The following DPYSL5 variants were observed in gnomAD, a reference collection of about 807,000 sequenced individuals.
The protein encoded by DPYSL5 is dihydropyrimidinase like 5, also known as dihydropyrimidinase-related protein 5.
Under a neutral mutation model 58.4 loss-of-function variants are expected in DPYSL5, and 9 were observed. That is an observed-to-expected ratio of 0.15 (90% CI 0.09 to 0.27). The LOEUF (loss-of-function observed/expected upper bound fraction) is 0.27. Ranked by LOEUF, DPYSL5 falls within the 10% of genes least tolerant of loss-of-function variation. The pLI, the probability that DPYSL5 is intolerant of heterozygous loss-of-function variation, is 1.00. For missense variants in DPYSL5, 499 were observed against 770.6 expected, an observed-to-expected ratio of 0.65 and a Z score of 4.17; for synonymous variants, 293 against 301.9, an observed-to-expected ratio of 0.97 and a Z score of 0.31.
In DPYSL5 at chr2:26,940,553, C is replaced by T. The variant is rs539272489; in HGVS notation, c.1089+381C>T. On this transcript the variant is annotated intron_variant, in intron 9 of 12. Coordinates refer to ENST00000288699, the MANE Select transcript of DPYSL5 (RefSeq NM_020134.4). The stretch of plus-strand genomic sequence containing the variant: ...ATGTTGTCCAGACAGGTCTTGAACT[C>T]ATGGGCTCAAGCTATCCTTCCACCT... Among the ~76,000 whole-genome samples the T allele has an allele frequency of 1.2e-4, 17 of 147,606 alleles. No homozygotes were observed. The East Asian group carries it at 3.4e-3, about 29-fold the overall frequency.
chr2:26,910,412 T>C (rs1425848300), intron 2 of DPYSL5, among the ~76,000 whole-genome samples: 2 of 152,204 alleles, frequency 1.3e-5, no homozygotes, highest in Admixed American at 6.5e-5. Flanking sequence ...TTAGCCGTTC[T>C]AATAGGTGTG....
At chr2:26,896,729 G>A (rs1360823855) in intron 1 of DPYSL5, among the ~76,000 whole-genome samples, 1 of 152,130 alleles carries the variant, frequency 6.6e-6, no homozygotes, top group Non-Finnish European at 1.5e-5. Context: ...AAATTGAGTT[G>A]TTTTCTTGCT....
chr2:26,890,928 C>T (rs1356820099), intron 1 of DPYSL5, among the ~76,000 whole-genome samples: 2 of 152,286 alleles, frequency 1.3e-5, no homozygotes, highest in South Asian at 2.1e-4. Flanking sequence ...AGATCACGGC[C>T]CTGCCCTATG....
chr2:26,884,520 TCACACACA>T (rs3070961), intron 1 of DPYSL5, among the ~76,000 whole-genome samples: 20 of 145,632 alleles, frequency 1.4e-4, no homozygotes, highest in East Asian at 1.2e-3. Flanking sequence ...TTGTCCTATC[TCACACACA>T]CACACACACA....
rs1314562888 is a variant in DPYSL5, at chr2:26,933,978, T to A, written c.791-600T>A. Among the ~76,000 whole-genome samples, 1 of 152,028 alleles carries A rather than the reference T, an allele frequency of 6.6e-6. No homozygotes were observed. Among genetic ancestry groups the A allele is most frequent in the Non-Finnish European group, 1.5e-5 (1 of 67,992 alleles). ...AGGGCATCTCAGCCTTCAACTATAA[T>A]CGATCAGAAGCAAGGGCATCCTGGC... On this transcript the variant is annotated intron_variant, in intron 7 of 12. Coordinates refer to ENST00000288699, the MANE Select transcript of DPYSL5 (RefSeq NM_020134.4). This position sits in a 1 kb window ranked among gnomAD's most constrained non-coding sequence, Gnocchi z 4.2.
intron 2 of DPYSL5, among the ~76,000 whole-genome samples, chr2:26,902,659 T>C (rs893841205): frequency 1.3e-5 from 2 of 152,158 alleles, no homozygotes; most frequent in Non-Finnish European, 2.9e-5. Context: ...CCATCTTAAA[T>C]AGGGGCTGGG....
intron 1 of DPYSL5, among the ~76,000 whole-genome samples, chr2:26,897,611 T>C (rs186001496): frequency 3.3e-4 from 50 of 152,374 alleles, no homozygotes; most frequent in African/African-American, 1.1e-3. Flanking sequence ...GATATTGCTC[T>C]GTAGTTTTCT....
chr2:26,893,273 A>G (rs558521201), intron 1 of DPYSL5, among the ~76,000 whole-genome samples: 1 of 152,216 alleles, frequency 6.6e-6, no homozygotes, highest in Admixed American at 6.5e-5. Context: ...GAGCCTGGCC[A>G]ACTTGGCAAA....
intron 1 of DPYSL5, among the ~76,000 whole-genome samples, chr2:26,891,398 C>T (rs1317358504): frequency 6.6e-6 from 1 of 152,106 alleles, no homozygotes; most frequent in Non-Finnish European, 1.5e-5. Flanking sequence ...ATTCCTGGGC[C>T]AGAGAGGTTC....
At chr2:26,923,503 C>T (rs1027028182) in intron 2 of DPYSL5, among the ~76,000 whole-genome samples, 1 of 152,120 alleles carries the variant, frequency 6.6e-6, no homozygotes, top group African/African-American at 2.4e-5. Flanking sequence ...AGTAACCTGG[C>T]AGAGGTTATT....
In DPYSL5 at chr2:26,942,827, C is replaced by CA. The variant is rs563102001; in HGVS notation, c.1440+80dup. The CA allele has an allele frequency of 6.6e-7, 1 of 1,516,372 alleles. No individual in the cohort carries two copies. Among genetic ancestry groups the CA allele is most frequent in the East Asian group, 2.3e-5 (1 of 43,706 alleles). The allele number at this position is 1,516,372 out of a possible 1,614,324, so 93.9% of individuals were successfully genotyped here. On this transcript the variant is annotated intron_variant, in intron 11 of 12. Transcript: ENST00000288699. This position sits in a 1 kb window ranked among gnomAD's most constrained non-coding sequence, Gnocchi z 5.9. ...CATCCTCCATGACTGTTTTAAATCTCAAAGAGATGTTCACTCCAGTTTTCG... is the reference window on the plus strand; with the variant it reads ...CATCCTCCATGACTGTTTTAAATCTCAAAAGAGATGTTCACTCCAGTTTTCG...
chr2:26,861,744 C>T (rs149636716), intron 1 of DPYSL5, among the ~76,000 whole-genome samples: 212 of 152,256 alleles, frequency 1.4e-3, no homozygotes, highest in Non-Finnish European at 2.2e-3. Context: ...TGCCATCCCC[C>T]GGCCATGATC....
At chr2:26,889,577 C>T (rs1663817614) in intron 1 of DPYSL5, among the ~76,000 whole-genome samples, 1 of 152,008 alleles carries the variant, frequency 6.6e-6, no homozygotes, top group Non-Finnish European at 1.5e-5. Context: ...GCCTGGAGAG[C>T]TTATACTTCT....
rs1052706963 is a variant in DPYSL5, at chr2:26,905,448, A to G, written c.261+6688A>G. On this transcript the variant is annotated intron_variant, in intron 2 of 12. Transcript: ENST00000288699. This position sits in a 1 kb window ranked among gnomAD's most constrained non-coding sequence, Gnocchi z 4.0. ...CCACCGACTTTGGCTTCACAATGAA[A>G]TTGCTCCACTGTGCACCGAGTGCCC... 6.6e-6 allele frequency among the ~76,000 whole-genome samples: 1 copy of G among 152,082 alleles called. No individual in the cohort carries two copies. Among genetic ancestry groups the G allele is most frequent in the Admixed American group, 6.5e-5 (1 of 15,270 alleles).
Position 26,932,137 on chromosome 2 carries a change from G to A in DPYSL5, c.714+453G>A, listed in dbSNP as rs573237684. On this transcript the variant is annotated intron_variant, in intron 6 of 12. Coordinates refer to ENST00000288699, the MANE Select transcript of DPYSL5 (RefSeq NM_020134.4). Reference sequence around the variant, plus strand: ...GAAAAAAGAAAGAGAAAGAAAGAAAGAGAAAGAAAGAAAGAAAGAAAGAAA... The same window carrying A: ...GAAAAAAGAAAGAGAAAGAAAGAAAAAGAAAGAAAGAAAGAAAGAAAGAAA... Among the ~76,000 whole-genome samples the A allele has an allele frequency of 9.5e-4, 57 of 59,734 alleles. 3 individuals are homozygous for A. The highest frequency in any genetic ancestry group is 3.3e-3 in the African/African-American group (46 of 13,792). The allele number at this position is 59,734 out of a possible 152,430, so 39.2% of individuals were successfully genotyped here. A position where few individuals can be genotyped will look rare whatever the true frequency, so the allele number is the denominator to read the frequency against.
intron 2 of DPYSL5, among the ~76,000 whole-genome samples, chr2:26,916,493 C>T (rs1236128007): frequency 6.7e-6 from 1 of 149,046 alleles, no homozygotes; most frequent in East Asian, 2.0e-4. Context: ...ACCACCACCT[C>T]CACCCACACA....
intron 1 of DPYSL5, among the ~76,000 whole-genome samples, chr2:26,876,101 A>G (rs1375708980): frequency 6.6e-6 from 1 of 152,112 alleles, no homozygotes; most frequent in Non-Finnish European, 1.5e-5. Flanking sequence ...AGCCTTTTGA[A>G]CCCCAAATAA....
intron 6 of DPYSL5, among the ~76,000 whole-genome samples, chr2:26,932,212 G>GAAAGAAAGAA (rs1558351739): frequency 1.7e-5 from 1 of 58,470 alleles, no homozygotes; most frequent in Admixed American, 1.7e-4. Flanking sequence ...AGAAAGAAAA[G>GAAAGAAAGAA]AAAGAAAGAA....
chr2:26,888,784 T>A (rs994165646), intron 1 of DPYSL5, among the ~76,000 whole-genome samples: 6 of 152,188 alleles, frequency 3.9e-5, no homozygotes, highest in Admixed American at 6.5e-5. Context: ...GTTACTTACA[T>A]TGCTCATTTC....
Sources: allele counts gnomAD v4.1 joint callset (sites outside exome capture counted in the v4.1 genomes callset), GRCh38; gene constraint gnomAD v4.1.1; non-coding constraint Gnocchi (gnomAD v3.1); transcripts MANE v1.5; gene names NCBI Gene and HGNC (gene_info 2026-07-23, HGNC 2026-07-21).